The following DHX37 variants were observed in gnomAD, a reference collection of about 807,000 sequenced individuals.
DHX37 encodes DEAH-box helicase 37.
DHX37 carries 52 observed loss-of-function variants against 134.3 expected under a neutral mutation model. The ratio of observed to expected loss-of-function variants is 0.39; its 90% CI spans 0.31 to 0.49. The LOEUF is 0.49. Among genes scored for constraint, DHX37 ranks in the 20% least tolerant of loss-of-function variants. The pLI is 0.93. For missense variants in DHX37, 1,344 were observed against 1,580.8 expected (o/e 0.85, Z 2.54); for synonymous variants, 634 against 670.7 (o/e 0.95, Z 0.85).
At chr12:124,976,334 C>T (rs752778613) in intron 5 of DHX37, among the ~76,000 whole-genome samples, 3 of 152,326 alleles carry the variant, frequency 2.0e-5, no homozygotes, top group East Asian at 3.9e-4. Context: ...TGGGAGTCCC[C>T]GGTCAATCAC....
chr12:124,977,094 C>T (rs1376795777), intron 5 of DHX37, among the ~76,000 whole-genome samples: 4 of 151,748 alleles, frequency 2.6e-5, no homozygotes, highest in East Asian at 1.9e-4. Flanking sequence ...CATAGCTCTA[C>T]GTGCCAGGAA....
intron 20 of DHX37, 53 bp downstream of exon 20, chr12:124,953,827 G>A: frequency 6.3e-7 from 1 of 1,595,062 alleles, no homozygotes; most frequent in Non-Finnish European, 8.5e-7. Flanking sequence ...CATTTCAAGT[G>A]CCCAGGTCAG....
rs116833233 is a variant in DHX37 at position 124,950,187 on chromosome 12, G to A, written c.3178C>T (p.Arg1060Cys). The change falls in exon 24 of 27, where the codon CGC becomes TGC. Residue 1060 changes from arginine to cysteine, a missense_variant. Arg to Cys is a radical substitution (Grantham distance 180, BLOSUM62 -3). Transcript: ENST00000308736. Reference protein sequence around the residue: ...IEVDFPEGIDRYKHFARFLLE... With the variant: ...IEVDFPEGIDCYKHFARFLLE... Reference sequence around the variant, plus strand: ...AGGAACCGGGCAAAGTGCTTGTAGCGGTCAATCCCCTCTGGAAAATCCACC... The same window carrying A: ...AGGAACCGGGCAAAGTGCTTGTAGCAGTCAATCCCCTCTGGAAAATCCACC... 23 of 1,614,048 alleles carry A rather than the reference G, an allele frequency of 1.4e-5. No homozygotes were observed. In the East Asian group the frequency reaches 2.9e-4, roughly 20 times the overall value.
chr12:124,948,326 T>G (rs1186854542), intron 25 of DHX37, 145 bp from the exon 26 acceptor site: 1 of 1,382,048 alleles, frequency 7.2e-7, no homozygotes, highest in Non-Finnish European at 9.6e-7. Context: ...GACATGCACC[T>G]GTAGCCCCAG....
At chr12:124,982,412 T>G (rs1168124026) in intron 3 of DHX37, 99 bp downstream of exon 3, 1 of 1,465,100 alleles carries the variant, frequency 6.8e-7, no homozygotes, top group Non-Finnish European at 9.2e-7. Flanking sequence ...TAAAGGTATT[T>G]TCTCAAATGT....
chr12:124,962,698 A>ATGG (rs1490009978), intron 15 of DHX37, among the ~76,000 whole-genome samples: 1 of 147,588 alleles, frequency 6.8e-6, no homozygotes, highest in Non-Finnish European at 1.5e-5. Flanking sequence ...TTATATGCAC[A>ATGG]TGGTGGTGCA....
intron 7 of DHX37, 79 bp from the exon 8 acceptor site, chr12:124,971,494 G>C: frequency 6.4e-7 from 1 of 1,556,594 alleles, no homozygotes; most frequent in South Asian, 1.2e-5. Flanking sequence ...ACTCCCACTT[G>C]AGGAGACAGT....
intron 12 of DHX37, among the ~76,000 whole-genome samples, chr12:124,966,241 T>C (rs1954385108): frequency 6.6e-6 from 1 of 152,138 alleles, no homozygotes; most frequent in African/African-American, 2.4e-5. Context: ...GCTAATTTTG[T>C]ATTTTTAGTA....
intron 15 of DHX37, among the ~76,000 whole-genome samples, chr12:124,961,310 A>ACACACTTACACGCGTGCACGCACG (rs1954258593): frequency 6.7e-6 from 1 of 148,334 alleles, no homozygotes; most frequent in African/African-American, 2.6e-5. Flanking sequence ...ACGCACGCAC[A>ACACACTTACACGCGTGCACGCACG]CACACTTACA....
intron 1 of DHX37, among the ~76,000 whole-genome samples, chr12:124,987,077 C>T (rs1465569433): frequency 2.6e-5 from 4 of 152,248 alleles, no homozygotes; most frequent in East Asian, 2.0e-4. Context: ...ACGGTGGGGC[C>T]GGGCGCGGTG....
chr12:124,986,111 C>T lies in DHX37; in HGVS notation c.261G>A (p.Lys87=), dbSNP rs1356330145. Residue 87 remains lysine, a synonymous_variant, in exon 2 of 27, where the codon AAG becomes AAA. Transcript: ENST00000308736. ...TGGGGTGTACCTGGCTCTTTTTCTC[C>T]TTCTGTTCTAAGATTTTCTGCAGCA... ...KKVLQKILEQ[K]EKKSQRAEML... is the part of the protein sequence containing the mutation. 6.2e-7 allele frequency: 1 copy of T among 1,614,020 alleles called. No individual in the cohort carries two copies. The highest frequency in any genetic ancestry group is 1.3e-5 in the African/African-American group (1 of 75,020).
intron 15 of DHX37, 94 bp from the exon 16 acceptor site, chr12:124,960,517 C>T: frequency 3.9e-6 from 6 of 1,532,644 alleles, no homozygotes; most frequent in Non-Finnish European, 5.3e-6. Context: ...GGACAACAAA[C>T]AAAACTCAGT....
chr12:124,968,881 G>A lies in DHX37; in HGVS notation c.1279C>T (p.Pro427Ser). Residue 427 changes from proline (P) to serine (S), a missense_variant, in exon 9 of 27, where the codon CCG (proline) becomes TCG (serine). Coordinates refer to ENST00000308736, the MANE Select transcript of DHX37 (RefSeq NM_032656.4). ...TQNPRLFAKP[P>S]PVIKVESRQF... ...CCCTGTGTTACCTTGATGACCGGCGGCGGCTTGGCGAAGAGCCGTGGGTTC... is the reference window on the plus strand; with the variant it reads ...CCCTGTGTTACCTTGATGACCGGCGACGGCTTGGCGAAGAGCCGTGGGTTC... 1.9e-6 allele frequency: 3 copies of A among 1,614,100 alleles called. No individual in the cohort carries two copies. The highest frequency in any genetic ancestry group is 1.7e-6 in the Non-Finnish European group (2 of 1,180,034).
chr12:124,960,202 C>T, intron 16 of DHX37, 110 bp downstream of exon 16: 1 of 1,503,718 alleles, frequency 6.7e-7, no homozygotes, highest in Non-Finnish European at 8.9e-7. Context: ...GTTGTGTAAG[C>T]AGCTGCCGCA....
Position 124,980,474 on chromosome 12 carries a change from A to G in DHX37, c.738+16T>C, listed in dbSNP as rs116824800. Reference sequence around the variant, plus strand: ...CGCTAACCTAGATTCTTAATCACAAACACGGGGTGGCGAACCTGCATTTCC... The same window carrying G: ...CGCTAACCTAGATTCTTAATCACAAGCACGGGGTGGCGAACCTGCATTTCC... On this transcript the variant is annotated intron_variant, in intron 4 of 26. Coordinates refer to ENST00000308736, the MANE Select transcript of DHX37 (RefSeq NM_032656.4). This position sits in a 1 kb window ranked among gnomAD's most constrained non-coding sequence, Gnocchi z 5.3. The G allele has an allele frequency of 6.4e-3, 10,268 of 1,603,776 alleles. 548 individuals carry two copies. In the African/African-American group the frequency reaches 0.12, roughly 18 times the overall value.
At chr12:124,971,717 G>A (rs534597776) in intron 7 of DHX37, among the ~76,000 whole-genome samples, 37 of 152,300 alleles carry the variant, frequency 2.4e-4, no homozygotes, top group African/African-American at 8.9e-4. Flanking sequence ...AGGAGGGCTG[G>A]AATCACCTTT....
intron 6 of DHX37, among the ~76,000 whole-genome samples, chr12:124,973,175 T>C (rs977329289): frequency 3.6e-4 from 54 of 152,006 alleles, no homozygotes; most frequent in Admixed American, 1.3e-4. Context: ...CCCAACACTT[T>C]GGGAGGCCGA....
rs1369958075 is a variant in DHX37 at position 124,960,490 on chromosome 12, T to C, written c.2046-67A>G. 5 of 1,580,764 alleles carry C rather than the reference T, an allele frequency of 3.2e-6. No individual in the cohort carries two copies. In the African/African-American group the frequency reaches 6.8e-5, roughly 21 times the overall value. ...CCAAAAACCACAGATGAATACAGCC[T>C]GGGCAGACAGAAACCGGGACAACAA... On this transcript the variant is annotated intron_variant, in intron 15 of 26. Transcript: ENST00000308736.
At chr12:124,957,809 T>C (rs1171499439) in intron 16 of DHX37, among the ~76,000 whole-genome samples, 2 of 152,032 alleles carry the variant, frequency 1.3e-5, no homozygotes, top group East Asian at 3.9e-4. Flanking sequence ...ATAACGTGAA[T>C]AAATTTATCA....
Sources: allele counts gnomAD v4.1 joint callset (sites outside exome capture counted in the v4.1 genomes callset), GRCh38; gene constraint gnomAD v4.1.1; non-coding constraint Gnocchi (gnomAD v3.1); transcripts MANE v1.5; gene names NCBI Gene and HGNC (gene_info 2026-07-23, HGNC 2026-07-21).